Variants in JAZF1 observed in about 807,000 individuals in gnomAD.
JAZF1 encodes JAZF zinc finger 1, also known as juxtaposed with another zinc finger protein 1.
A neutral mutation model predicts 26.4 loss-of-function variants in JAZF1; 8 were observed. The observed-to-expected ratio is 0.30, with a 90% CI of 0.18 to 0.55. The LOEUF (loss-of-function observed/expected upper bound fraction) is 0.55. Ranked by LOEUF, JAZF1 falls within the 20% of genes least tolerant of loss-of-function variation. JAZF1 has a pLI of 0.94. For missense variants in JAZF1, 199 were observed against 322.0 expected (o/e 0.62, Z 2.92); for synonymous variants, 126 against 122.3 (o/e 1.03, Z -0.20).
chr7:27,982,245 C>T (rs1176653789), intron 2 of JAZF1, among the ~76,000 whole-genome samples: 1 of 152,174 alleles, frequency 6.6e-6, no homozygotes, highest in Non-Finnish European at 1.5e-5. Context: ...CGGGACACTC[C>T]CATCCTAATA....
intron 1 of JAZF1, among the ~76,000 whole-genome samples, chr7:28,163,113 C>G (rs1783317315): frequency 6.6e-6 from 1 of 152,182 alleles, no homozygotes; most frequent in Non-Finnish European, 1.5e-5. Context: ...ATAACAAAAG[C>G]ATTATCAGCT....
At chr7:28,168,159 G>A (rs1476047796) in intron 1 of JAZF1, among the ~76,000 whole-genome samples, 2 of 152,052 alleles carry the variant, frequency 1.3e-5, no homozygotes, top group Non-Finnish European at 2.9e-5. Context: ...GAGGCGGGTG[G>A]ATCATGAGGT....
intron 2 of JAZF1, among the ~76,000 whole-genome samples, chr7:27,979,520 T>C (rs1785540188): frequency 1.3e-5 from 2 of 151,680 alleles, no homozygotes; most frequent in Non-Finnish European, 2.9e-5. Context: ...TCCAAAACAG[T>C]TGAGATTACA....
intron 2 of JAZF1, among the ~76,000 whole-genome samples, chr7:27,991,348 A>G (rs975628390): frequency 1.3e-5 from 2 of 152,168 alleles, no homozygotes; most frequent in African/African-American, 4.8e-5. Context: ...CTGAAACACT[A>G]AGTCCTCTTT....
rs756443409 is a variant in JAZF1, at chr7:28,110,489, AAAGGAAAGG to A, written c.115+69965_115+69973del. On this transcript the variant is annotated intron_variant, in intron 1 of 4. Coordinates refer to ENST00000283928, the MANE Select transcript of JAZF1 (RefSeq NM_175061.4). ...AAAGGAAAGGAAAGGAAAGGAAAGG[AAAGGAAAGG>A]AAAGGAAAAGGAAAGGAAAAGGAAA... is the stretch of plus-strand genomic sequence containing the variant. 5.6e-3 allele frequency among the ~76,000 whole-genome samples: 262 copies of A among 46,372 alleles called. 7 individuals carry two copies. The highest frequency in any genetic ancestry group is 0.014 in the African/African-American group (245 of 17,128). The allele number at this position is 46,372 out of a possible 152,430, so 30.4% of individuals were successfully genotyped here.
rs931454295 is a variant in JAZF1 at position 27,874,218 on chromosome 7, C to T, written c.385+21002G>A. ...TGCCAGCCCTGGCCCTGATCCCACA[C>T]CACAGAACCCATGTGGCTGAAGGAG... On this transcript the variant is annotated intron_variant, in intron 3 of 4. Coordinates refer to ENST00000283928, the MANE Select transcript of JAZF1 (RefSeq NM_175061.4). Among the ~76,000 whole-genome samples, 2 of 152,246 alleles carry T rather than the reference C, an allele frequency of 1.3e-5. 1 individual carries two copies. The highest frequency in any genetic ancestry group is 6.3e-3 in the Middle Eastern group (2 of 316).
chr7:27,944,377 G>A (rs774662204), intron 2 of JAZF1, among the ~76,000 whole-genome samples: 8 of 152,064 alleles, frequency 5.3e-5, no homozygotes, highest in Admixed American at 3.3e-4. Flanking sequence ...TTAATTTTCC[G>A]GTTATCCAAC....
intron 1 of JAZF1, among the ~76,000 whole-genome samples, chr7:28,112,545 A>G (rs1240765244): frequency 6.6e-6 from 1 of 151,456 alleles, no homozygotes; most frequent in African/African-American, 2.4e-5. Flanking sequence ...TCATGTGACA[A>G]AAGAAATGCT....
chr7:28,073,175 A>G (rs1784002969), intron 1 of JAZF1, among the ~76,000 whole-genome samples: 1 of 152,152 alleles, frequency 6.6e-6, no homozygotes, highest in African/African-American at 2.4e-5. Flanking sequence ...CCAATCCCCT[A>G]TGTTTTAAAA....
intron 1 of JAZF1, among the ~76,000 whole-genome samples, chr7:28,078,571 T>A (rs1403828680): frequency 6.6e-6 from 1 of 152,186 alleles, no homozygotes; most frequent in African/African-American, 2.4e-5. Flanking sequence ...TGTAACCAAC[T>A]CTTAATTGCC....
chr7:27,972,768 C>T lies in JAZF1; in HGVS notation c.188+19141G>A, dbSNP rs533215587. On this transcript the variant is annotated intron_variant, in intron 2 of 4. Transcript: ENST00000283928. ...TATTTTGCGTTGCTGTTAAAAAGAA[C>T]GACTTAGATCTATCTCTATTGACCT... Among the ~76,000 whole-genome samples the T allele has an allele frequency of 3.2e-3, 486 of 151,760 alleles. 2 individuals carry two copies. Among genetic ancestry groups the T allele is most frequent in the African/African-American group, 9.8e-3 (404 of 41,334 alleles).
chr7:28,033,018 C>T (rs1216592433), intron 1 of JAZF1, among the ~76,000 whole-genome samples: 2 of 152,188 alleles, frequency 1.3e-5, no homozygotes, highest in Non-Finnish European at 2.9e-5. Context: ...CATCTTTACT[C>T]TCTAAAGATA....
intron 3 of JAZF1, among the ~76,000 whole-genome samples, chr7:27,883,792 T>G (rs1470556169): frequency 1.3e-5 from 2 of 152,260 alleles, no homozygotes; most frequent in Admixed American, 6.5e-5. Context: ...GACTGAGAGT[T>G]TGGCAACAGC....
chr7:28,180,228 C>T (rs1783620042), intron 1 of JAZF1: 1 of 136,024 alleles, frequency 7.4e-6, no homozygotes, highest in African/African-American at 2.7e-5. Context: ...CCCAGCCGCC[C>T]GCCCGCCCGC....
chr7:27,955,208 T>C (rs1034940239), intron 2 of JAZF1, among the ~76,000 whole-genome samples: 9 of 152,200 alleles, frequency 5.9e-5, no homozygotes, highest in African/African-American at 2.2e-4. Context: ...TGTGAAGTAA[T>C]AGAAAAAAGT....
intron 3 of JAZF1, among the ~76,000 whole-genome samples, chr7:27,845,118 T>G (rs1028418901): frequency 2.6e-5 from 4 of 152,170 alleles, no homozygotes; most frequent in Non-Finnish European, 5.9e-5. Context: ...ACAAAATATA[T>G]AAAGTATTTC....
chr7:28,177,245 T>C (rs1783562678), intron 1 of JAZF1, among the ~76,000 whole-genome samples: 1 of 152,122 alleles, frequency 6.6e-6, no homozygotes, highest in South Asian at 2.1e-4. Context: ...TACAGCACTC[T>C]TCCAGGAGAG....
intron 1 of JAZF1, among the ~76,000 whole-genome samples, chr7:28,015,739 G>T (rs1182242111): frequency 6.6e-6 from 1 of 152,184 alleles, no homozygotes; most frequent in African/African-American, 2.4e-5. Context: ...GCTTACAGCA[G>T]GCCTGAAACA....
At chr7:28,121,269 C>G (rs1222886737) in intron 1 of JAZF1, among the ~76,000 whole-genome samples, 1 of 152,046 alleles carries the variant, frequency 6.6e-6, no homozygotes, top group Non-Finnish European at 1.5e-5. Flanking sequence ...CCCCTCTGGC[C>G]AGTGAGCTGC....
Sources: gnomAD v4.1 joint callset for allele counts (sites outside exome capture counted in the v4.1 genomes callset) on GRCh38, gnomAD v4.1.1 for gene constraint, MANE v1.5 for transcripts, NCBI Gene and HGNC (gene_info 2026-07-23, HGNC 2026-07-21) for gene names.